Variants in ROBO1 observed in about 807,000 individuals in gnomAD.
ROBO1 encodes roundabout guidance receptor 1, also known as roundabout homolog 1.
A neutral mutation model predicts 195.9 loss-of-function variants in ROBO1; 149 were observed. That is an observed-to-expected ratio of 0.76 (90% CI 0.67 to 0.87). ROBO1 has a LOEUF of 0.87. ROBO1 is among the 40% of genes least tolerant of loss of function. The pLI is 0.00. For missense variants in ROBO1, 1,933 were observed against 2,068.3 expected (o/e 0.93, Z 1.27); for synonymous variants, 816 against 733.2 (o/e 1.11, Z -1.82).
rs35692271 is a variant in ROBO1 at position 79,607,095 on chromosome 3, GCACACACACA to G, written c.-50-17144_-50-17135del. Among the ~76,000 whole-genome samples the G allele has an allele frequency of 6.6e-4, 93 of 140,042 alleles. 1 individual carries two copies. Among genetic ancestry groups the G allele is most frequent in the African/African-American group, 2.0e-3 (74 of 37,412 alleles). The allele number at this position is 140,042 out of a possible 152,430, so 91.9% of individuals were successfully genotyped here. A position where few individuals can be genotyped will look rare whatever the true frequency, so the allele number is the denominator to read the frequency against. ...TTTTCAATAACTGTTATTAAAACCTGCACACACACACACACACACACACACACACACACAC... is the reference window on the plus strand; with the variant it reads ...TTTTCAATAACTGTTATTAAAACCTGCACACACACACACACACACACACAC... On this transcript the variant is annotated intron_variant, in intron 1 of 30. Coordinates refer to ENST00000464233, the MANE Select transcript of ROBO1 (RefSeq NM_002941.4).
chr3:79,762,460 G>C (rs575982772), intron 1 of ROBO1, among the ~76,000 whole-genome samples: 75 of 152,012 alleles, frequency 4.9e-4, no homozygotes, highest in Non-Finnish European at 8.7e-4. Context: ...AATTTCAGAG[G>C]CATTATTAAA....
At chr3:79,463,217 C>CA (rs1315019110) in intron 2 of ROBO1, among the ~76,000 whole-genome samples, 2 of 151,754 alleles carry the variant, frequency 1.3e-5, no homozygotes, top group Admixed American at 1.3e-4. Context: ...ACTAAAAGTA[C>CA]AAAAAAAGTT....
At chr3:78,710,295 C>G (rs1192971707) in intron 8 of ROBO1, among the ~76,000 whole-genome samples, 1 of 152,108 alleles carries the variant, frequency 6.6e-6, no homozygotes, top group African/African-American at 2.4e-5. Context: ...AGCATTCCTC[C>G]TGCCTCAACC....
intron 3 of ROBO1, among the ~76,000 whole-genome samples, chr3:79,007,911 GATT>G (rs1206295576): frequency 6.6e-6 from 1 of 152,124 alleles, no homozygotes; most frequent in African/African-American, 2.4e-5. Context: ...GAATGAATGA[GATT>G]ATTAAATAAT....
chr3:79,456,674 A>G (rs879811731), intron 2 of ROBO1, among the ~76,000 whole-genome samples: 1 of 152,168 alleles, frequency 6.6e-6, no homozygotes, highest in Non-Finnish European at 1.5e-5. Flanking sequence ...TTTGCTTCGT[A>G]TTTCTTGTGT....
chr3:79,442,070 C>T (rs1438908492), intron 2 of ROBO1, among the ~76,000 whole-genome samples: 1 of 152,084 alleles, frequency 6.6e-6, no homozygotes, highest in South Asian at 2.1e-4. Context: ...CTCGGCTCCT[C>T]AATTCTTATT....
chr3:78,929,361 C>T (rs1406400170), intron 4 of ROBO1, among the ~76,000 whole-genome samples: 2 of 152,028 alleles, frequency 1.3e-5, no homozygotes, highest in Admixed American at 6.6e-5. Context: ...TTATCCCCTA[C>T]CAGACAGAAA....
intron 2 of ROBO1, among the ~76,000 whole-genome samples, chr3:79,411,241 G>A (rs1348533571): frequency 6.6e-6 from 1 of 152,104 alleles, no homozygotes; most frequent in Admixed American, 6.6e-5. Context: ...TCAGAGGCAG[G>A]CAAACAACAA....
At chr3:79,237,885 T>C (rs1247402158) in intron 2 of ROBO1, among the ~76,000 whole-genome samples, 1 of 152,118 alleles carries the variant, frequency 6.6e-6, no homozygotes, top group Non-Finnish European at 1.5e-5. Context: ...AAAGGAACAC[T>C]CAGCAGCTCA....
intron 4 of ROBO1, among the ~76,000 whole-genome samples, chr3:78,825,155 T>G (rs1353846170): frequency 6.6e-6 from 1 of 152,150 alleles, no homozygotes; most frequent in Non-Finnish European, 1.5e-5. Flanking sequence ...AACATTATAG[T>G]TTAAAAATAC....
rs1019061220 is a variant in ROBO1 at position 79,018,521 on chromosome 3, C to G, written c.173-79594G>C. ...CAAGAGGAGGGAGTGGAAATAGGGT[C>G]CCCAAATGTATGAAGCCACACACCA... is the stretch of plus-strand genomic sequence containing the variant. On this transcript the variant is annotated intron_variant, in intron 3 of 30. Coordinates refer to ENST00000464233, the MANE Select transcript of ROBO1 (RefSeq NM_002941.4). 1.4e-5 allele frequency: 23 copies of G among 1,606,314 alleles called. No individual in the cohort carries two copies. In the African/African-American group the frequency reaches 2.9e-4, roughly 21 times the overall value.
chr3:78,941,985 A>G (rs2040168913), intron 3 of ROBO1, among the ~76,000 whole-genome samples: 1 of 152,130 alleles, frequency 6.6e-6, no homozygotes, highest in Non-Finnish European at 1.5e-5. Context: ...GGAATTAGTG[A>G]GGACCCGTTT....
chr3:78,716,184 T>C (rs545190744), intron 7 of ROBO1, among the ~76,000 whole-genome samples: 1 of 152,352 alleles, frequency 6.6e-6, no homozygotes, highest in South Asian at 2.1e-4. Context: ...TTCCCCCCTC[T>C]GAGCTGGCAC....
chr3:79,570,320 A>G (rs950715684), intron 2 of ROBO1, among the ~76,000 whole-genome samples: 1 of 151,700 alleles, frequency 6.6e-6, no homozygotes, highest in Non-Finnish European at 1.5e-5. Context: ...AATTGCAGTT[A>G]TTTTTACGTC....
At chr3:79,619,119 C>T (rs12491579) in intron 1 of ROBO1, among the ~76,000 whole-genome samples, 735 of 5,518 alleles carry the variant, frequency 0.13, 7 homozygotes, top group Non-Finnish European at 0.11. Context: ...CACCTGCCCT[C>T]ATCATTCACC....
At chr3:78,873,764 T>C (rs1022685710) in intron 4 of ROBO1, among the ~76,000 whole-genome samples, 3 of 152,140 alleles carry the variant, frequency 2.0e-5, no homozygotes, top group African/African-American at 7.2e-5. Flanking sequence ...TCATTTTCTG[T>C]GTTCATCTGT....
chr3:78,962,669 C>CA (rs1209890961), intron 3 of ROBO1, among the ~76,000 whole-genome samples: 85 of 151,736 alleles, frequency 5.6e-4, no homozygotes, highest in Middle Eastern at 3.4e-3. Context: ...ACTAAAAATA[C>CA]AAAAAATTAG....
At chr3:78,964,928 C>T (rs1019319274) in intron 3 of ROBO1, among the ~76,000 whole-genome samples, 3 of 151,446 alleles carry the variant, frequency 2.0e-5, no homozygotes, top group Non-Finnish European at 4.4e-5. Flanking sequence ...AAGTGATCCC[C>T]CCGTGCTGGG....
At chr3:78,942,157 C>G (rs2040176735) in intron 3 of ROBO1, among the ~76,000 whole-genome samples, 1 of 151,928 alleles carries the variant, frequency 6.6e-6, no homozygotes, top group African/African-American at 2.4e-5. Flanking sequence ...AAACAATTAG[C>G]CAGGTGTATG....
Sources: allele counts gnomAD v4.1 joint callset (sites outside exome capture counted in the v4.1 genomes callset), GRCh38; gene constraint gnomAD v4.1.1; transcripts MANE v1.5; gene names NCBI Gene and HGNC (gene_info 2026-07-23, HGNC 2026-07-21).